KLF12: variants seen among roughly 807,000 people sequenced by gnomAD.
KLF12 encodes Krueppel-like factor 12.
Under a neutral mutation model 37.8 loss-of-function variants are expected in KLF12, and 9 were observed. The observed-to-expected ratio is 0.24, with a 90% CI of 0.14 to 0.42. The LOEUF (loss-of-function observed/expected upper bound fraction) is 0.42, where lower values mean the gene tolerates loss of function less well. KLF12 is among the 10% of genes least tolerant of loss of function. The pLI, the probability that KLF12 is intolerant of heterozygous loss-of-function variation, is 1.00. For synonymous variants in KLF12, 208 were observed against 202.1 expected, an observed-to-expected ratio of 1.03 and a Z score of -0.25; for missense variants, 411 against 516.0, an observed-to-expected ratio of 0.80 and a Z score of 1.97.
At chr13:74,077,642 T>C (rs987643694) in intron 1 of KLF12, among the ~76,000 whole-genome samples, 7 of 152,190 alleles carry the variant, frequency 4.6e-5, no homozygotes, top group Admixed American at 2.0e-4. Context: ...TGATAAAAAC[T>C]GTAAATCACA....
rs1878418367 is a variant in KLF12, at chr13:74,133,916, C to T, written c.-209G>A. On this transcript the variant is annotated 5_prime_UTR_variant, in exon 1 of 8. Coordinates refer to ENST00000377669, the MANE Select transcript of KLF12 (RefSeq NM_007249.5). ...AGCCTCTCAGCGGCTCTCTGCAGTT[C>T]TCAGGAAATGAATGGGGGGCAACCC... is the stretch of plus-strand genomic sequence containing the variant. Among the ~76,000 whole-genome samples the T allele has an allele frequency of 6.6e-6, 1 of 152,096 alleles. No homozygotes were observed. The highest frequency in any genetic ancestry group is 1.5e-5 in the Non-Finnish European group (1 of 68,002).
chr13:73,978,314 C>G (rs1891597888), intron 2 of KLF12, among the ~76,000 whole-genome samples: 1 of 152,002 alleles, frequency 6.6e-6, no homozygotes, highest in South Asian at 2.1e-4. Context: ...TAACAGAGAC[C>G]TCACTGAAAA....
intron 5 of KLF12, among the ~76,000 whole-genome samples, chr13:73,773,757 G>T (rs1880415252): frequency 6.6e-6 from 1 of 152,054 alleles, no homozygotes; most frequent in African/African-American, 2.4e-5. Flanking sequence ...ATGCCTATCA[G>T]CCAGCCACTC....
intron 5 of KLF12, among the ~76,000 whole-genome samples, chr13:73,806,574 C>T (rs1298012412): frequency 6.6e-6 from 1 of 150,758 alleles, no homozygotes. Flanking sequence ...AGGAAGGGAG[C>T]TTCCCCTTCA....
At chr13:73,762,987 G>C (rs756199426) in intron 6 of KLF12, among the ~76,000 whole-genome samples, 1 of 152,212 alleles carries the variant, frequency 6.6e-6, no homozygotes, top group South Asian at 2.1e-4. Flanking sequence ...GCTCCTACTA[G>C]AGTCAATTTG....
intron 1 of KLF12, among the ~76,000 whole-genome samples, chr13:74,022,676 A>T (rs1297064446): frequency 6.6e-6 from 1 of 152,030 alleles, no homozygotes; most frequent in Non-Finnish European, 1.5e-5. Context: ...TCCAAAAAAA[A>T]AAAAAAAATT....
intron 7 of KLF12, among the ~76,000 whole-genome samples, chr13:73,715,005 A>C (rs1474832278): frequency 6.6e-6 from 1 of 152,178 alleles, no homozygotes. Flanking sequence ...CAAAAAGCAT[A>C]ATCTAAAGGA....
At chr13:73,929,175 G>A (rs958189379) in intron 3 of KLF12, among the ~76,000 whole-genome samples, 1 of 152,188 alleles carries the variant, frequency 6.6e-6, no homozygotes, top group Non-Finnish European at 1.5e-5. Context: ...AAATACAAGA[G>A]AGATCAATGG....
At chr13:73,999,825 C>T (rs1048954701) in intron 1 of KLF12, among the ~76,000 whole-genome samples, 3 of 152,160 alleles carry the variant, frequency 2.0e-5, no homozygotes, top group African/African-American at 4.8e-5. Flanking sequence ...GGTGACAATA[C>T]GGAAGTTTCA....
chr13:74,027,725 C>T (rs777948408), intron 1 of KLF12, among the ~76,000 whole-genome samples: 3 of 152,116 alleles, frequency 2.0e-5, no homozygotes, highest in Non-Finnish European at 2.9e-5. Flanking sequence ...GATGGAAATA[C>T]ATTTTAAAGT....
chr13:73,970,923 A>G (rs1468892042), intron 2 of KLF12, among the ~76,000 whole-genome samples: 1 of 152,172 alleles, frequency 6.6e-6, no homozygotes, highest in African/African-American at 2.4e-5. Context: ...AAGGGTGGGG[A>G]ATGTTTTTAA....
intron 3 of KLF12, among the ~76,000 whole-genome samples, chr13:73,933,627 T>C (rs543402069): frequency 2.6e-5 from 4 of 152,288 alleles, no homozygotes; most frequent in African/African-American, 9.6e-5. Context: ...AAAATTCATC[T>C]AAGTTTTCAT....
At chr13:73,770,026 GGTT>G (rs1880170513) in intron 5 of KLF12, among the ~76,000 whole-genome samples, 1 of 151,918 alleles carries the variant, frequency 6.6e-6, no homozygotes, top group Non-Finnish European at 1.5e-5. Flanking sequence ...ATTTTAATTA[GGTT>G]AATGATTAAA....
chr13:73,964,647 T>G (rs1417665287), intron 2 of KLF12, among the ~76,000 whole-genome samples: 2 of 151,098 alleles, frequency 1.3e-5, no homozygotes, highest in African/African-American at 2.4e-5. Context: ...CTAGTTTTAG[T>G]GTATACCCGA....
intron 1 of KLF12, among the ~76,000 whole-genome samples, chr13:74,019,250 G>A (rs1475044564): frequency 1.3e-5 from 2 of 152,138 alleles, no homozygotes; most frequent in African/African-American, 2.4e-5. Context: ...TGAAGTTCAA[G>A]TTTTTAAGTG....
At chr13:74,180,491 T>C in the KLF12 span, among the ~76,000 whole-genome samples, 1 of 152,236 alleles carries the variant, frequency 6.6e-6, no homozygotes, top group Non-Finnish European at 1.5e-5. Context: ...AAAGCCAAAT[T>C]CTGCTTCTGA....
chr13:74,010,697 G>A (rs992448785), intron 1 of KLF12, among the ~76,000 whole-genome samples: 1 of 152,018 alleles, frequency 6.6e-6, no homozygotes, highest in Admixed American at 6.5e-5. Context: ...CTTAGAAGCT[G>A]CTCGTGTCTA....
At chr13:73,786,125 G>T (rs1383253969) in intron 5 of KLF12, among the ~76,000 whole-genome samples, 1 of 152,128 alleles carries the variant, frequency 6.6e-6, no homozygotes, top group African/African-American at 2.4e-5. Flanking sequence ...GTCATTCTGG[G>T]GCAGCTGGGG....
At chr13:74,052,015 A>G (rs1872954888) in intron 1 of KLF12, among the ~76,000 whole-genome samples, 1 of 152,194 alleles carries the variant, frequency 6.6e-6, no homozygotes, top group Admixed American at 6.5e-5. Flanking sequence ...TACAATTATT[A>G]TGTATCAATA....
Sources: gnomAD v4.1 joint callset for allele counts (sites outside exome capture counted in the v4.1 genomes callset) on GRCh38, gnomAD v4.1.1 for gene constraint, MANE v1.5 for transcripts, NCBI Gene and HGNC (gene_info 2026-07-23, HGNC 2026-07-21) for gene names.